The following RGL1 variants were observed in gnomAD, a reference collection of about 807,000 sequenced individuals.
The protein encoded by RGL1 is ral guanine nucleotide dissociation stimulator-like 1.
A neutral mutation model predicts 95.2 loss-of-function variants in RGL1; 24 were observed. The observed-to-expected ratio is 0.25, with a 90% CI of 0.18 to 0.35. The LOEUF (loss-of-function observed/expected upper bound fraction) is 0.35, where lower values mean the gene tolerates loss of function less well. RGL1 is among the 10% of genes least tolerant of loss of function. The probability of loss-of-function intolerance (pLI) is 1.00; values close to 1 mark genes in which losing one functional copy is unlikely to be tolerated. For synonymous variants in RGL1, 329 were observed against 344.9 expected (o/e 0.95, Z 0.51); for missense variants, 715 against 936.3 (o/e 0.76, Z 3.08).
intron 1 of RGL1, among the ~76,000 whole-genome samples, chr1:183,644,374 A>G (rs1650144672): frequency 6.6e-6 from 1 of 152,132 alleles, no homozygotes; most frequent in African/African-American, 2.4e-5. Flanking sequence ...TAATACATGT[A>G]AGTGCTTAGA....
At chr1:183,846,207 G>T (rs1209525294) in intron 2 of RGL1, among the ~76,000 whole-genome samples, 1 of 152,178 alleles carries the variant, frequency 6.6e-6, no homozygotes, top group African/African-American at 2.4e-5. Context: ...GGAATACTGT[G>T]CAGCCATAAA....
intron 2 of RGL1, among the ~76,000 whole-genome samples, chr1:183,843,882 A>G (rs1275842048): frequency 6.6e-6 from 1 of 151,986 alleles, no homozygotes; most frequent in Non-Finnish European, 1.5e-5. Context: ...GCTGGAGTGC[A>G]GTGGCACAAT....
intron 1 of RGL1, among the ~76,000 whole-genome samples, chr1:183,732,581 G>A (rs930867287): frequency 7.9e-5 from 12 of 152,266 alleles, no homozygotes; most frequent in African/African-American, 2.9e-4. Context: ...TTAGAACACA[G>A]CCACATCTGT....
At chr1:183,676,434 C>G (rs187460082) in intron 1 of RGL1, among the ~76,000 whole-genome samples, 9 of 152,034 alleles carry the variant, frequency 5.9e-5, no homozygotes, top group African/African-American at 2.2e-4. Flanking sequence ...CTTCCCTACA[C>G]GAAGCATTTC....
rs375567569 is a variant in RGL1 at position 183,805,340 on chromosome 1, T to C, written c.27+16T>C. ...AGCTAAAATGGTAACGAGAGCTCTC[T>C]GCCTTCTCCCGAGGCTTCTCTGGTG... On this transcript the variant is annotated intron_variant, in intron 1 of 17. Transcript: ENST00000360851. 1.1e-5 allele frequency: 18 copies of C among 1,606,066 alleles called. No homozygotes were observed. The highest frequency in any genetic ancestry group is 1.7e-6 in the Non-Finnish European group (2 of 1,174,818).
intron 4 of RGL1, among the ~76,000 whole-genome samples, chr1:183,879,316 A>G (rs1055164374): frequency 3.3e-5 from 5 of 152,212 alleles, no homozygotes; most frequent in Non-Finnish European, 7.3e-5. Context: ...TGCTTTGATG[A>G]TAGTCCAGCT....
At chr1:183,818,410 C>A (rs1207449075) in intron 2 of RGL1, among the ~76,000 whole-genome samples, 1 of 152,210 alleles carries the variant, frequency 6.6e-6, no homozygotes, top group African/African-American at 2.4e-5. Flanking sequence ...ATTGCATTTA[C>A]CTGCCCTGCT....
intron 1 of RGL1, among the ~76,000 whole-genome samples, chr1:183,729,236 T>C (rs1656490494): frequency 6.6e-6 from 1 of 152,034 alleles, no homozygotes; most frequent in South Asian, 2.1e-4. Flanking sequence ...AGGACTGATA[T>C]CTAGAATATA....
In RGL1 at chr1:183,879,302, C is replaced by T. The variant is rs376087216; in HGVS notation, c.426-1314C>T. ...AAGCATTAAATTGGCTTTAGTCATA[C>T]TTATGCTTTGATGATAGTCCAGCTT... On this transcript the variant is annotated intron_variant, in intron 4 of 17. Coordinates refer to ENST00000360851, the MANE Select transcript of RGL1 (RefSeq NM_001297671.3). Among the ~76,000 whole-genome samples, 9 of 152,288 alleles carry T rather than the reference C, an allele frequency of 5.9e-5. No individual in the cohort carries two copies. In the South Asian group the frequency reaches 1.9e-3, roughly 32 times the overall value.
chr1:183,641,376 C>A (rs1190848721), intron 1 of RGL1, among the ~76,000 whole-genome samples: 1 of 152,094 alleles, frequency 6.6e-6, no homozygotes, highest in Non-Finnish European at 1.5e-5. Flanking sequence ...CACAAGCAAT[C>A]TGCCAGCCTC....
At chr1:183,822,049 A>G (rs1662524998) in intron 2 of RGL1, among the ~76,000 whole-genome samples, 1 of 152,188 alleles carries the variant, frequency 6.6e-6, no homozygotes. Context: ...CCAGAGCTGT[A>G]CTTTTGGCTG....
chr1:183,762,532 C>T (rs1658739616), intron 2 of RGL1, among the ~76,000 whole-genome samples: 1 of 152,082 alleles, frequency 6.6e-6, no homozygotes, highest in Non-Finnish European at 1.5e-5. Flanking sequence ...CCAAAATGTC[C>T]AGAGACATGA....
intron 1 of RGL1, among the ~76,000 whole-genome samples, chr1:183,700,638 C>T (rs886270025): frequency 2.0e-5 from 3 of 150,058 alleles, no homozygotes; most frequent in African/African-American, 7.4e-5. Flanking sequence ...CTCTGCCTCC[C>T]GGGTTCAAGT....
At chr1:183,903,189 T>A (rs1668123212) in intron 12 of RGL1, among the ~76,000 whole-genome samples, 1 of 152,102 alleles carries the variant, frequency 6.6e-6, no homozygotes, top group African/African-American at 2.4e-5. Context: ...GGATAAGGGG[T>A]TTCTGATGAG....
At chr1:183,770,008 G>A (rs1015335189) in intron 2 of RGL1, among the ~76,000 whole-genome samples, 1 of 152,192 alleles carries the variant, frequency 6.6e-6, no homozygotes, top group Non-Finnish European at 1.5e-5. Flanking sequence ...CAAAAGATCA[G>A]TTTATAAAAT....
intron 14 of RGL1, among the ~76,000 whole-genome samples, chr1:183,911,190 C>A (rs1401718030): frequency 1.3e-5 from 2 of 152,168 alleles, no homozygotes; most frequent in African/African-American, 2.4e-5. Context: ...GAGTTTCTAA[C>A]CCCATAGACC....
chr1:183,904,832 G>A lies in RGL1; in HGVS notation c.1351-18G>A, dbSNP rs550113754. The A allele has an allele frequency of 1.2e-5, 19 of 1,572,274 alleles. No homozygotes were observed. Among genetic ancestry groups the A allele is most frequent in the Non-Finnish European group, 1.5e-5 (18 of 1,165,058 alleles). On this transcript the variant is annotated intron_variant, in intron 12 of 17. Coordinates refer to ENST00000360851, the MANE Select transcript of RGL1 (RefSeq NM_001297671.3). ...TTCAGTCTTTTTTTTTTAATTTTTG[G>A]TATTCTGTCTGCTTTAGGAATTTGA...
At chr1:183,846,376 C>T (rs1664432558) in intron 2 of RGL1, among the ~76,000 whole-genome samples, 2 of 151,266 alleles carry the variant, frequency 1.3e-5, no homozygotes, top group African/African-American at 4.9e-5. Context: ...GGGAACGTCA[C>T]ACATGGGGGC....
intron 1 of RGL1, among the ~76,000 whole-genome samples, chr1:183,685,576 C>A (rs1260809777): frequency 2.6e-5 from 4 of 152,056 alleles, no homozygotes; most frequent in Non-Finnish European, 4.4e-5. Flanking sequence ...GTTATAATTT[C>A]AAAAAGATTA....
Sources: gnomAD v4.1 joint callset for allele counts (sites outside exome capture counted in the v4.1 genomes callset) on GRCh38, gnomAD v4.1.1 for gene constraint, MANE v1.5 for transcripts, NCBI Gene and HGNC (gene_info 2026-07-23, HGNC 2026-07-21) for gene names.